ZC3H14: variants seen among roughly 807,000 people sequenced by gnomAD.
The protein encoded by ZC3H14 is zinc finger CCCH domain-containing protein 14.
Under a neutral mutation model 92.4 loss-of-function variants are expected in ZC3H14, and 31 were observed. The ratio of observed to expected loss-of-function variants is 0.34; its 90% CI spans 0.25 to 0.45. The LOEUF is 0.45. Ranked by LOEUF, ZC3H14 falls within the 20% of genes least tolerant of loss-of-function variation. The pLI is 1.00. For missense variants in ZC3H14, 781 were observed against 897.3 expected (o/e 0.87, Z 1.66); for synonymous variants, 321 against 300.9 (o/e 1.07, Z -0.69).
rs2088823163 is a variant in ZC3H14, at chr14:88,621,039, T to C, written c.*9288T>C. 1 of 1,502,744 alleles carries C rather than the reference T, an allele frequency of 6.7e-7. No individual in the cohort carries two copies. Among genetic ancestry groups the C allele is most frequent in the Admixed American group, 2.3e-5 (1 of 42,688 alleles). 93.1% of individuals were successfully genotyped at this position (1,502,744 alleles called of 1,614,324 possible). A position where few individuals can be genotyped will look rare whatever the true frequency, so the allele number is the denominator to read the frequency against. On this transcript the variant is annotated 3_prime_UTR_variant, in exon 17 of 17. Coordinates refer to ENST00000251038, the MANE Select transcript of ZC3H14 (RefSeq NM_024824.5). ...AACAGAATTCTGGCAGTTCTTTAAG[T>C]ACTAGCAATTTAGAACTTCCAACTT...
intron 13 of ZC3H14, chr14:88,608,429 G>GTTT: frequency 6.1e-6 from 2 of 325,502 alleles, no homozygotes; most frequent in South Asian, 4.9e-5. Flanking sequence ...TTTTGTTTTT[G>GTTT]TTTTTCTGTG....
At chr14:88,589,283 C>T (rs1292876174) in intron 9 of ZC3H14, 1 of 152,102 alleles carries the variant, frequency 6.6e-6, no homozygotes, top group African/African-American at 2.4e-5. Context: ...TATGCTTACA[C>T]TCCTACTGGT....
chr14:88,582,526 A>G (rs777514716), intron 9 of ZC3H14, among the ~76,000 whole-genome samples: 9 of 152,242 alleles, frequency 5.9e-5, no homozygotes, highest in Non-Finnish European at 1.0e-4. Flanking sequence ...AGGCGTTAAT[A>G]TAAAAAGCAC....
chr14:88,565,042 T>G (rs1054737841), intron 2 of ZC3H14, among the ~76,000 whole-genome samples: 4 of 152,198 alleles, frequency 2.6e-5, no homozygotes, highest in African/African-American at 9.7e-5. Flanking sequence ...AAATGAAAAT[T>G]AGAATTTTGG....
At position 88,613,459 on chromosome 14, in the gene ZC3H14, TTAATTTA is replaced by T. The variant is rs2087143521; in HGVS notation, c.*1709_*1715del. 6.6e-6 allele frequency: 1 copy of T among 152,170 alleles called. No homozygotes were observed. Among genetic ancestry groups the T allele is most frequent in the African/African-American group, 2.4e-5 (1 of 41,446 alleles). 9.4% of individuals were successfully genotyped at this position (152,170 alleles called of 1,614,324 possible). A position where few individuals can be genotyped will look rare whatever the true frequency, so the allele number is the denominator to read the frequency against. On this transcript the variant is annotated 3_prime_UTR_variant, in exon 17 of 17. Coordinates refer to ENST00000251038, the MANE Select transcript of ZC3H14 (RefSeq NM_024824.5). Reference sequence around the variant, plus strand: ...TATAGAACAAATGGGAAACAAGGGTTTAATTTAGTTCAGCCATTTTACAAGGAAATAA... The same window carrying T: ...TATAGAACAAATGGGAAACAAGGGTTGTTCAGCCATTTTACAAGGAAATAA...
At chr14:88,606,278 A>C (rs2085383520) in intron 12 of ZC3H14, among the ~76,000 whole-genome samples, 2 of 152,196 alleles carry the variant, frequency 1.3e-5, no homozygotes, top group African/African-American at 4.8e-5. Flanking sequence ...CTGTCATAGT[A>C]ATCGAAGCTG....
In ZC3H14 at chr14:88,571,921, G is replaced by A. The variant is rs1490861521; in HGVS notation, c.236-109G>A. On this transcript the variant is annotated intron_variant, in intron 4 of 16. Coordinates refer to ENST00000251038, the MANE Select transcript of ZC3H14 (RefSeq NM_024824.5). ...GGAGGTTGCAGGGAGCCGAGAACGC[G>A]CCACTGCCCTCCAGCCTGGCGACAG... 13 of 873,900 alleles carry A rather than the reference G, an allele frequency of 1.5e-5. No individual in the cohort carries two copies. In the East Asian group the frequency reaches 1.7e-4, roughly 11 times the overall value. 54.1% of individuals were successfully genotyped at this position (873,900 alleles called of 1,614,324 possible).
chr14:88,564,349 T>C (rs887054986), intron 2 of ZC3H14, among the ~76,000 whole-genome samples: 4 of 152,234 alleles, frequency 2.6e-5, no homozygotes, highest in African/African-American at 4.8e-5. Context: ...ATTGTATATG[T>C]ATTAACTCAG....
chr14:88,568,669 C>T (rs1318563810), intron 3 of ZC3H14, among the ~76,000 whole-genome samples: 1 of 152,142 alleles, frequency 6.6e-6, no homozygotes, highest in East Asian at 1.9e-4. Context: ...ACCTTATCAG[C>T]CTCTGAAGCC....
Position 88,616,472 on chromosome 14 carries a change from T to C in ZC3H14, c.*4721T>C. 1 of 606,914 alleles carries C rather than the reference T, an allele frequency of 1.6e-6. No homozygotes were observed. The highest frequency in any genetic ancestry group is 2.2e-5 in the South Asian group (1 of 45,206). The allele number at this position is 606,914 out of a possible 1,614,324, so 37.6% of individuals were successfully genotyped here. On this transcript the variant is annotated 3_prime_UTR_variant, in exon 17 of 17. Transcript: ENST00000251038. ...ACCATTTTTCTCTAAGGAAAAGCAT[T>C]TGAAATTTGATAACTGATTATAGGT...
At chr14:88,596,254 C>G (rs1271614857) in intron 9 of ZC3H14, among the ~76,000 whole-genome samples, 1 of 152,078 alleles carries the variant, frequency 6.6e-6, no homozygotes, top group African/African-American at 2.4e-5. Context: ...CAGAGTTTGT[C>G]TTTTAGGAAC....
intron 16 of ZC3H14, 66 bp from the exon 17 acceptor site, chr14:88,611,679 T>G: frequency 1.3e-6 from 2 of 1,589,872 alleles, no homozygotes; most frequent in Non-Finnish European, 1.7e-6. Context: ...CTTTTTAAAC[T>G]GAGATATATG....
chr14:88,596,868 T>TA lies in ZC3H14; in HGVS notation c.1354+61dup, dbSNP rs1031642376. 20 of 1,368,858 alleles carry TA rather than the reference T, an allele frequency of 1.5e-5. 1 individual carries two copies. The Admixed American group carries it at 3.2e-4, about 22-fold the overall frequency. The allele number at this position is 1,368,858 out of a possible 1,614,324, so 84.8% of individuals were successfully genotyped here. On this transcript the variant is annotated intron_variant, in intron 10 of 16. Transcript: ENST00000251038. Reference sequence around the variant, plus strand: ...CATTTCAGTTGCCATTTCCATTTCTTACACCCCATTTAACGTATCTCGGAT... The same window carrying TA: ...CATTTCAGTTGCCATTTCCATTTCTTAACACCCCATTTAACGTATCTCGGAT...
Position 88,626,657 on chromosome 14 carries a change from C to T in ZC3H14, c.*14906C>T. ...TCCTTTTCCCCCTCTCATTAACATT[C>T]TTTTCACTCCCTAATTTCTGAAAGA... On this transcript the variant is annotated 3_prime_UTR_variant, in exon 17 of 17. Transcript: ENST00000251038. 4 of 654,970 alleles carry T rather than the reference C, an allele frequency of 6.1e-6. No individual in the cohort carries two copies. In the Middle Eastern group the frequency reaches 1.3e-3, roughly 213 times the overall value. The allele number at this position is 654,970 out of a possible 1,614,324, so 40.6% of individuals were successfully genotyped here. A position where few individuals can be genotyped will look rare whatever the true frequency, so the allele number is the denominator to read the frequency against.
rs187703925 is a variant in ZC3H14, at chr14:88,622,062, C to T, written c.*10311C>T. ...CCCCCTTGTCCGCCTCCAGTAACCA[C>T]TATTCTACTCTCCACCTCTGTGGGA... is the stretch of plus-strand genomic sequence containing the variant. On this transcript the variant is annotated 3_prime_UTR_variant, in exon 17 of 17. Transcript: ENST00000251038. 1,023 of 305,424 alleles carry T rather than the reference C, an allele frequency of 3.3e-3. 9 individuals carry two copies. Among genetic ancestry groups the T allele is most frequent in the South Asian group, 4.2e-3 (151 of 35,610 alleles). 18.9% of individuals were successfully genotyped at this position (305,424 alleles called of 1,614,324 possible).
chr14:88,595,022 G>C lies in ZC3H14; in HGVS notation c.1280-1712G>C, dbSNP rs146698799. On this transcript the variant is annotated intron_variant, in intron 9 of 16. Transcript: ENST00000251038. Reference sequence around the variant, plus strand: ...TATTCAACAACATATGAATGCAACAGACAGTTTGAAGATCAAGAAGAAGAT... The same window carrying C: ...TATTCAACAACATATGAATGCAACACACAGTTTGAAGATCAAGAAGAAGAT... 3.8e-5 allele frequency: 61 copies of C among 1,613,660 alleles called. 1 individual carries two copies. The African/African-American group carries it at 7.3e-4, about 19-fold the overall frequency.
intron 1 of ZC3H14, 181 bp from the exon 2 acceptor site, chr14:88,563,470 G>T: frequency 6.8e-7 from 1 of 1,466,630 alleles, no homozygotes; most frequent in Non-Finnish European, 8.9e-7. Context: ...GCGCCGCGGG[G>T]CTGGGGCTGG....
chr14:88,569,279 A>G (rs1243335879), intron 3 of ZC3H14, among the ~76,000 whole-genome samples: 1 of 152,066 alleles, frequency 6.6e-6, no homozygotes, highest in Non-Finnish European at 1.5e-5. Context: ...TTAGAGGGCA[A>G]GGTTTTCTGT....
chr14:88,596,663 G>T lies in ZC3H14; in HGVS notation c.1280-71G>T, dbSNP rs1595732296. The stretch of plus-strand genomic sequence containing the variant: ...TTCAAGTTAAGAACCCAGAAGGATT[G>T]ATTTTTGGGAACCACATGCTGGTAT... On this transcript the variant is annotated intron_variant, in intron 9 of 16. Coordinates refer to ENST00000251038, the MANE Select transcript of ZC3H14 (RefSeq NM_024824.5). 6 of 1,335,480 alleles carry T rather than the reference G, an allele frequency of 4.5e-6. No individual in the cohort carries two copies. The South Asian group carries it at 7.1e-5, about 16-fold the overall frequency. The allele number at this position is 1,335,480 out of a possible 1,614,324, so 82.7% of individuals were successfully genotyped here. A position where few individuals can be genotyped will look rare whatever the true frequency, so the allele number is the denominator to read the frequency against.
Sources: allele counts gnomAD v4.1 joint callset (sites outside exome capture counted in the v4.1 genomes callset), GRCh38; gene constraint gnomAD v4.1.1; transcripts MANE v1.5; gene names NCBI Gene and HGNC (gene_info 2026-07-23, HGNC 2026-07-21).